The following IQSEC1 variants were observed in gnomAD, a reference collection of about 807,000 sequenced individuals.
IQSEC1 encodes IQ motif and SEC7 domain-containing protein 1.
In IQSEC1, 31 loss-of-function variants were observed where a neutral mutation model predicts 91.0. The ratio of observed to expected loss-of-function variants is 0.34; its 90% CI spans 0.26 to 0.46. IQSEC1 has a LOEUF of 0.46. Among genes scored for constraint, IQSEC1 ranks in the 20% least tolerant of loss-of-function variants. The probability of loss-of-function intolerance (pLI) is 1.00; values close to 1 mark genes in which losing one functional copy is unlikely to be tolerated. For synonymous variants in IQSEC1, 699 were observed against 662.6 expected (o/e 1.05, Z -0.84); for missense variants, 1,388 against 1,575.6 (o/e 0.88, Z 2.02).
upstream of IQSEC1, among the ~76,000 whole-genome samples, chr3:13,075,121 T>C (rs1374092672): frequency 6.6e-6 from 1 of 152,194 alleles, no homozygotes; most frequent in East Asian, 1.9e-4. Flanking sequence ...GAGGAATTCA[T>C]ATTTCTGTGG....
At chr3:13,054,723 CCACCGTGT>C (rs772349898) in intron 1 of IQSEC1, among the ~76,000 whole-genome samples, 5 of 152,192 alleles carry the variant, frequency 3.3e-5, no homozygotes, top group Admixed American at 6.5e-5. Context: ...CCCAGGAAAG[CCACCGTGT>C]CACCTTGTGG....
chr3:13,023,768 A>C (rs1262580641), intron 1 of IQSEC1, among the ~76,000 whole-genome samples: 2 of 152,234 alleles, frequency 1.3e-5, no homozygotes, highest in African/African-American at 4.8e-5. Context: ...AGGTTTCTAC[A>C]AAGGCTGTGG....
chr3:12,913,691 G>A (rs1695791091), intron 8 of IQSEC1, 138 bp from the exon 9 acceptor site: 4 of 701,800 alleles, frequency 5.7e-6, no homozygotes. Context: ...TTCCCTCACA[G>A]ACATTGAAGA....
rs186461475 is a variant in IQSEC1, at chr3:13,256,617, G to T, written c.272+26094C>A. Among the ~76,000 whole-genome samples the T allele has an allele frequency of 5.3e-5, 8 of 152,170 alleles. No homozygotes were observed. In the South Asian group the frequency reaches 1.2e-3, roughly 24 times the overall value. On this transcript the variant is annotated intron_variant, in intron 1 of 15. Coordinates refer to the IQSEC1 transcript ENST00000648114. ...TCACCAACCCCAAAGCAGCCTTCGG[G>T]ATATCTCACTCAACCAAAGTCACTG...
At chr3:13,001,224 G>C (rs190737020) in intron 1 of IQSEC1, among the ~76,000 whole-genome samples, 1 of 152,242 alleles carries the variant, frequency 6.6e-6, no homozygotes, top group East Asian at 1.9e-4. Context: ...GTCTCCCAAA[G>C]TGTTGGGATT....
At chr3:12,919,546 C>T (rs567193147) in intron 6 of IQSEC1, among the ~76,000 whole-genome samples, 8 of 152,336 alleles carry the variant, frequency 5.3e-5, no homozygotes, top group South Asian at 2.1e-4. Flanking sequence ...GGAGAAGGGA[C>T]GGCAGAACCG....
chr3:12,901,030 G>T lies in IQSEC1; in HGVS notation c.3298C>A (p.Pro1100Thr). 1 of 1,544,046 alleles carries T rather than the reference G, an allele frequency of 6.5e-7. No individual in the cohort carries two copies. ...CTGGGTTTGGCCTTGCTGCTGGTGG[G>T]GGGCGGCGGGGCAGGGGGCTGCCCA... Reference protein sequence around the residue: ...HHGQPPAPPPPTSSKAKPSGI... With the variant: ...HHGQPPAPPPTTSSKAKPSGI... The change falls in exon 14 of 14, where the codon CCC (proline) becomes ACC (threonine). Residue 1100 changes from proline to threonine, a missense_variant. This residue lies in a region of IQSEC1 where 329 missense variants were observed against 257.8 expected (regional missense o/e 1.28). Coordinates refer to ENST00000613206, the MANE Select transcript of IQSEC1 (RefSeq NM_001134382.3).
intron 2 of IQSEC1, among the ~76,000 whole-genome samples, chr3:13,136,016 G>A (rs1454819432): frequency 6.6e-6 from 1 of 152,240 alleles, no homozygotes; most frequent in Admixed American, 6.5e-5. Flanking sequence ...GCTGGGCGGT[G>A]CAGACCCAGC....
At position 12,935,617 on chromosome 3, in the gene IQSEC1, C is replaced by T. The variant is rs1373772542; in HGVS notation, c.1399G>A (p.Asp467Asn). Reference sequence around the variant, plus strand: ...GACTCGGAGCTGCAGTTGATGGTATCGTTGGAGTTGGACGTGCTGTTGATG... The same window carrying T: ...GACTCGGAGCTGCAGTTGATGGTATTGTTGGAGTTGGACGTGCTGTTGATG... Reference protein sequence around the residue: ...DSINSTSNSNDTINCSSESSS... With the variant: ...DSINSTSNSNNTINCSSESSS... The change falls in exon 3 of 14, where the codon GAT (aspartate) becomes AAT (asparagine). Residue 467 changes from aspartate to asparagine, a missense_variant. Asp to Asn is a conservative substitution (Grantham distance 23). Coordinates refer to ENST00000613206, the MANE Select transcript of IQSEC1 (RefSeq NM_001134382.3). The surrounding 1 kb of genome is among the most constrained non-coding windows in gnomAD (Gnocchi z 8.0). 2.5e-6 allele frequency: 4 copies of T among 1,614,116 alleles called. No individual in the cohort carries two copies. Among genetic ancestry groups the T allele is most frequent in the Middle Eastern group, 1.6e-4 (1 of 6,062 alleles).
At chr3:13,118,509 T>C (rs972352958) in intron 2 of IQSEC1, among the ~76,000 whole-genome samples, 3 of 152,192 alleles carry the variant, frequency 2.0e-5, no homozygotes, top group Non-Finnish European at 4.4e-5. Context: ...CCCAGGCTAC[T>C]ACACGGATGA....
intron 2 of IQSEC1, among the ~76,000 whole-genome samples, chr3:12,938,178 G>A (rs1220506297): frequency 2.0e-5 from 3 of 152,228 alleles, no homozygotes; most frequent in Non-Finnish European, 4.4e-5. Flanking sequence ...GCCAGGCAAA[G>A]CGTTGCACCT....
chr3:13,238,468 GA>G (rs1694969646), intron 1 of IQSEC1, among the ~76,000 whole-genome samples: 1 of 152,200 alleles, frequency 6.6e-6, no homozygotes, highest in Non-Finnish European at 1.5e-5. Flanking sequence ...GGCCTCCTCA[GA>G]GATGGCACCA....
At chr3:12,974,759 T>G (rs1701079456) in intron 1 of IQSEC1, among the ~76,000 whole-genome samples, 1 of 152,190 alleles carries the variant, frequency 6.6e-6, no homozygotes. Context: ...TGCCCCCACT[T>G]CAGCCCTTCA....
chr3:13,248,608 G>GT (rs2125112462), intron 1 of IQSEC1, among the ~76,000 whole-genome samples: 1 of 152,300 alleles, frequency 6.6e-6, no homozygotes, highest in East Asian at 1.9e-4. Flanking sequence ...TGCTCCCTCA[G>GT]TACCCTTTGT....
chr3:13,074,886 C>T (rs1173167486), upstream of IQSEC1, among the ~76,000 whole-genome samples: 10 of 152,282 alleles, frequency 6.6e-5, no homozygotes, highest in Admixed American at 3.3e-4. Flanking sequence ...AGGGGGTGAG[C>T]GATTTGCCTA....
In IQSEC1 at chr3:12,897,284, T is replaced by A. The variant is rs1693741411; in HGVS notation, c.*3699A>T. 6.6e-6 allele frequency: 1 copy of A among 152,122 alleles called. No homozygotes were observed. The highest frequency in any genetic ancestry group is 1.5e-5 in the Non-Finnish European group (1 of 68,036). 9.4% of individuals were successfully genotyped at this position (152,122 alleles called of 1,614,324 possible). On this transcript the variant is annotated 3_prime_UTR_variant, in exon 14 of 14. Coordinates refer to ENST00000613206, the MANE Select transcript of IQSEC1 (RefSeq NM_001134382.3). The stretch of plus-strand genomic sequence containing the variant: ...CAACCATGGTTTTACATTGATAGAG[T>A]CTGTTGCCACTGACAAACAGAATGC...
chr3:12,902,964 C>A lies in IQSEC1; in HGVS notation c.2756-142G>T, dbSNP rs1694534545. The A allele has an allele frequency of 4.3e-6, 3 of 701,760 alleles. No individual in the cohort carries two copies. The East Asian group carries it at 8.2e-5, about 19-fold the overall frequency. 43.5% of individuals were successfully genotyped at this position (701,760 alleles called of 1,614,324 possible). A position where few individuals can be genotyped will look rare whatever the true frequency, so the allele number is the denominator to read the frequency against. ...GCCGGGCCCACCTGCCCGCAGGAGC[C>A]AGGTGTGAGGGGTCGGAGGAGGGGC... On this transcript the variant is annotated intron_variant, in intron 12 of 13. Transcript: ENST00000613206.
chr3:12,928,626 G>A (rs1697372297), intron 3 of IQSEC1, among the ~76,000 whole-genome samples: 2 of 152,206 alleles, frequency 1.3e-5, no homozygotes, highest in African/African-American at 4.8e-5. Flanking sequence ...CCCGTGTAAT[G>A]AAGCCCTTCC....
intron 2 of IQSEC1, among the ~76,000 whole-genome samples, chr3:13,118,246 A>T (rs1380001280): frequency 6.6e-6 from 1 of 152,202 alleles, no homozygotes; most frequent in Non-Finnish European, 1.5e-5. Context: ...CCATTTAAAA[A>T]CTTAAATATA....
Sources: allele counts gnomAD v4.1 joint callset (sites outside exome capture counted in the v4.1 genomes callset), GRCh38; gene constraint gnomAD v4.1.1; regional missense constraint gnomAD v4.1.1; non-coding constraint Gnocchi (gnomAD v3.1); transcripts MANE v1.5; gene names NCBI Gene and HGNC (gene_info 2026-07-23, HGNC 2026-07-21).